Variants in STX18 observed in about 807,000 individuals in gnomAD.
The protein encoded by STX18 is syntaxin 18.
STX18 carries 40 observed loss-of-function variants against 50.1 expected under a neutral mutation model. The ratio of observed to expected loss-of-function variants is 0.80; its 90% CI spans 0.62 to 1.04. The LOEUF (loss-of-function observed/expected upper bound fraction) is 1.04. STX18 is among the 50% of genes least tolerant of loss of function. The pLI, the probability that STX18 is intolerant of heterozygous loss-of-function variation, is 0.00. For missense variants in STX18, 410 were observed against 415.8 expected, an observed-to-expected ratio of 0.99 and a Z score of 0.12; for synonymous variants, 158 against 151.8, an observed-to-expected ratio of 1.04 and a Z score of -0.30.
At chr4:4,511,748 GTGTGTGTGTGTGTA>G (rs1158560604) in intron 1 of STX18, among the ~76,000 whole-genome samples, 54 of 150,426 alleles carry the variant, frequency 3.6e-4, no homozygotes, top group African/African-American at 1.2e-3. Flanking sequence ...GTGTGTGTGT[GTGTGTGTGTGTGTA>G]TGCCCCTAGG....
At position 4,508,370 on chromosome 4, in the gene STX18, G is replaced by A. The variant is rs190680418; in HGVS notation, c.168+33427C>T. Among the ~76,000 whole-genome samples, 345 of 152,080 alleles carry A rather than the reference G, an allele frequency of 2.3e-3. 2 individuals carry two copies. The highest frequency in any genetic ancestry group is 8.0e-3 in the African/African-American group (332 of 41,474). On this transcript the variant is annotated intron_variant, in intron 1 of 10. Transcript: ENST00000306200. ...ATGGCATATATCCTATATTTCACTTGAGAGGATCCCAAAAATCTGGTGAAA... is the reference window on the plus strand; with the variant it reads ...ATGGCATATATCCTATATTTCACTTAAGAGGATCCCAAAAATCTGGTGAAA...
intron 5 of STX18, among the ~76,000 whole-genome samples, chr4:4,447,561 A>C (rs555131679): frequency 2.1e-3 from 256 of 123,614 alleles, no homozygotes; most frequent in African/African-American, 7.5e-3. Flanking sequence ...ACTGCACTCC[A>C]GCCTGGGCGA....
intron 1 of STX18, among the ~76,000 whole-genome samples, chr4:4,527,333 T>C (rs1730815845): frequency 6.6e-6 from 1 of 152,156 alleles, no homozygotes; most frequent in African/African-American, 2.4e-5. Flanking sequence ...AAGGGTTGAG[T>C]GTGGGTAATA....
chr4:4,431,068 C>T (rs754112744), intron 7 of STX18, among the ~76,000 whole-genome samples: 1 of 152,126 alleles, frequency 6.6e-6, no homozygotes, highest in Non-Finnish European at 1.5e-5. Flanking sequence ...TAAAGGTTAA[C>T]ATGCTTAGCT....
At chr4:4,470,038 C>T (rs1029578140) in intron 2 of STX18, among the ~76,000 whole-genome samples, 6 of 152,134 alleles carry the variant, frequency 3.9e-5, no homozygotes, top group Admixed American at 6.5e-5. Flanking sequence ...GTACTATACA[C>T]GTAGTGCTTG....
intron 1 of STX18, among the ~76,000 whole-genome samples, chr4:4,496,113 G>C (rs1221198147): frequency 6.6e-6 from 1 of 152,156 alleles, no homozygotes; most frequent in Non-Finnish European, 1.5e-5. Flanking sequence ...CCAAGAGAAA[G>C]GTAAAGCAAA....
intron 1 of STX18, among the ~76,000 whole-genome samples, chr4:4,493,200 C>T (rs1226427728): frequency 6.6e-6 from 1 of 152,184 alleles, no homozygotes; most frequent in Non-Finnish European, 1.5e-5. Flanking sequence ...TCTCTACACA[C>T]ATTTAGGCAC....
intron 1 of STX18, among the ~76,000 whole-genome samples, chr4:4,500,348 G>C (rs541989891): frequency 6.6e-6 from 1 of 152,176 alleles, no homozygotes; most frequent in African/African-American, 2.4e-5. Context: ...TTTTTAAAAA[G>C]GATGCTGCAC....
At chr4:4,501,012 G>A (rs969635724) in intron 1 of STX18, among the ~76,000 whole-genome samples, 2 of 152,046 alleles carry the variant, frequency 1.3e-5, no homozygotes, top group Admixed American at 6.6e-5. Context: ...ACTCCAGCTG[G>A]GGCCAACAAC....
Position 4,482,321 on chromosome 4 carries a change from C to T in STX18, c.169-10615G>A, listed in dbSNP as rs537160913. Among the ~76,000 whole-genome samples, 6 of 152,266 alleles carry T rather than the reference C, an allele frequency of 3.9e-5. No individual in the cohort carries two copies. The South Asian group carries it at 1.0e-3, about 26-fold the overall frequency. On this transcript the variant is annotated intron_variant, in intron 1 of 10. Coordinates refer to ENST00000306200, the MANE Select transcript of STX18 (RefSeq NM_016930.4). Reference sequence around the variant, plus strand: ...TGTTCAAGCTGAGTGTATCCAAATGCTTTTTAGATACTGCCACTGTGTGTC... The same window carrying T: ...TGTTCAAGCTGAGTGTATCCAAATGTTTTTTAGATACTGCCACTGTGTGTC...
chr4:4,420,340 T>C lies in STX18; in HGVS notation c.913-211A>G, dbSNP rs1318502389. On this transcript the variant is annotated intron_variant, in intron 10 of 10. Coordinates refer to ENST00000306200, the MANE Select transcript of STX18 (RefSeq NM_016930.4). The surrounding 1 kb of genome is among the most constrained non-coding windows in gnomAD (Gnocchi z 4.3). ...CTCTGTTTGGCCATCATTTGGGTCC[T>C]GCACAATTCTCCCTCAACACAACTC... The C allele has an allele frequency of 3.6e-6, 2 of 548,458 alleles. No individual in the cohort carries two copies. The highest frequency in any genetic ancestry group is 3.1e-4 in the Middle Eastern group (1 of 3,234). 34.0% of individuals were successfully genotyped at this position (548,458 alleles called of 1,614,324 possible).
At chr4:4,507,612 G>GA in intron 1 of STX18, 1 of 766,360 alleles carries the variant, frequency 1.3e-6, no homozygotes, top group Non-Finnish European at 2.4e-6. Context: ...CTTCCCAAGC[G>GA]AAATTGTGGG....
rs545284193 is a variant in STX18 at position 4,470,229 on chromosome 4, C to T, written c.236+1410G>A. On this transcript the variant is annotated intron_variant, in intron 2 of 10. Coordinates refer to ENST00000306200, the MANE Select transcript of STX18 (RefSeq NM_016930.4). Reference sequence around the variant, plus strand: ...TGTCAGCACCTCCTCAGTTTTGGGCCGGGTAAGTCCCTGTTGTGGAGAGTT... The same window carrying T: ...TGTCAGCACCTCCTCAGTTTTGGGCTGGGTAAGTCCCTGTTGTGGAGAGTT... Among the ~76,000 whole-genome samples the T allele has an allele frequency of 1.1e-4, 16 of 152,272 alleles. 1 individual carries two copies. In the South Asian group the frequency reaches 2.9e-3, roughly 28 times the overall value.
At chr4:4,438,241 G>C (rs1725895431) in intron 6 of STX18, among the ~76,000 whole-genome samples, 153 bp downstream of exon 6, 1 of 152,260 alleles carries the variant, frequency 6.6e-6, no homozygotes, top group Non-Finnish European at 1.5e-5. Context: ...AACTGTGACA[G>C]ACACAAAGGC....
At chr4:4,475,891 G>T (rs1156304587) in intron 1 of STX18, among the ~76,000 whole-genome samples, 1 of 152,190 alleles carries the variant, frequency 6.6e-6, no homozygotes, top group Non-Finnish European at 1.5e-5. Flanking sequence ...AAAGTGCTGG[G>T]ACTACAGGCA....
chr4:4,519,435 G>A (rs1227879945), intron 1 of STX18, among the ~76,000 whole-genome samples: 1 of 142,170 alleles, frequency 7.0e-6, no homozygotes, highest in African/African-American at 3.1e-5. Context: ...AAGCTTTATG[G>A]AAAGTCCTAA....
intron 1 of STX18, among the ~76,000 whole-genome samples, chr4:4,531,985 G>A (rs1731116905): frequency 6.6e-6 from 1 of 152,090 alleles, no homozygotes; most frequent in Non-Finnish European, 1.5e-5. Context: ...TTCAACAGGG[G>A]TTCAGATAAA....
At chr4:4,516,445 A>G (rs1730271825) in intron 1 of STX18, among the ~76,000 whole-genome samples, 1 of 152,192 alleles carries the variant, frequency 6.6e-6, no homozygotes. Flanking sequence ...TATTTTCTGA[A>G]GTTGCAGTTT....
intron 1 of STX18, among the ~76,000 whole-genome samples, chr4:4,527,974 C>G (rs910740585): frequency 6.6e-6 from 1 of 151,752 alleles, no homozygotes; most frequent in African/African-American, 2.4e-5. Flanking sequence ...TCAGGGTCAC[C>G]CTGAGTGAGG....
Sources: gnomAD v4.1 joint callset for allele counts (sites outside exome capture counted in the v4.1 genomes callset) on GRCh38, gnomAD v4.1.1 for gene constraint, Gnocchi (gnomAD v3.1) non-coding constraint, MANE v1.5 for transcripts, NCBI Gene and HGNC (gene_info 2026-07-23, HGNC 2026-07-21) for gene names.